Variants in NFAT5 observed in about 807,000 individuals in gnomAD.
NFAT5 encodes nuclear factor of activated T cells 5.
Under a neutral mutation model 166.5 loss-of-function variants are expected in NFAT5, and 31 were observed. That is an observed-to-expected ratio of 0.19 (90% CI 0.14 to 0.25). The LOEUF (loss-of-function observed/expected upper bound fraction) is 0.25. Among genes scored for constraint, NFAT5 ranks in the 10% least tolerant of loss-of-function variants. The pLI is 1.00. For missense variants in NFAT5, 1,449 were observed against 1,821.8 expected, an observed-to-expected ratio of 0.80 and a Z score of 3.72; for synonymous variants, 612 against 639.7, an observed-to-expected ratio of 0.96 and a Z score of 0.65.
intron 11 of NFAT5, among the ~76,000 whole-genome samples, chr16:69,688,227 C>CAAA (rs1309361684): frequency 0.016 from 1,852 of 114,108 alleles, 59 homozygotes; most frequent in African/African-American, 0.06. Flanking sequence ...AAAAAAAAAA[C>CAAA]CAGGAGTTTG....
chr16:69,640,953 C>T (rs562115401), intron 3 of NFAT5, among the ~76,000 whole-genome samples: 4 of 148,628 alleles, frequency 2.7e-5, no homozygotes, highest in African/African-American at 5.0e-5. Flanking sequence ...TGTACTCCAG[C>T]GGGGGCAACA....
intron 2 of NFAT5, among the ~76,000 whole-genome samples, chr16:69,589,314 C>T (rs1202684819): frequency 6.6e-6 from 1 of 152,074 alleles, no homozygotes; most frequent in African/African-American, 2.4e-5. Flanking sequence ...TTTTTAGTAG[C>T]CCGTTGTTTG....
intron 2 of NFAT5, among the ~76,000 whole-genome samples, chr16:69,606,715 G>C (rs183738939): frequency 6.6e-6 from 1 of 152,246 alleles, no homozygotes; most frequent in East Asian, 1.9e-4. Context: ...AATTAGCTGG[G>C]CGTGGTGGTA....
chr16:69,587,935 T>C (rs1255369115), intron 2 of NFAT5, among the ~76,000 whole-genome samples: 1 of 149,400 alleles, frequency 6.7e-6, no homozygotes, highest in Non-Finnish European at 1.5e-5. Context: ...TGGTAATTTA[T>C]AGTGCTTTCT....
chr16:69,693,249 G>A lies in NFAT5; in HGVS notation c.3424G>A (p.Ala1142Thr), dbSNP rs372688181. The A allele has an allele frequency of 8.1e-5, 130 of 1,614,026 alleles. No individual in the cohort carries two copies. The highest frequency in any genetic ancestry group is 1.1e-4 in the Non-Finnish European group (124 of 1,180,026). The change falls in exon 13 of 15, where the codon GCT becomes ACT. Residue 1142 changes from alanine (A) to threonine (T), a missense_variant. By Grantham distance (58) the Ala-to-Thr change is moderately conservative (BLOSUM62 0). This residue lies in a region of NFAT5 where 891 missense variants were observed against 993.0 expected (regional missense o/e 0.90). Coordinates refer to ENST00000349945, the MANE Select transcript of NFAT5 (RefSeq NM_138713.4). Reference protein sequence around the residue: ...PPMFHSQSTIAVLQGSSVPQD... With the variant: ...PPMFHSQSTITVLQGSSVPQD... ...AATGTTTCACTCTCAAAGTACCATT[G>A]CTGTGTTACAGGGCTCTTCAGTTCC...
chr16:69,692,828 G>A lies in NFAT5; in HGVS notation c.3003G>A (p.Gln1001=). The A allele has an allele frequency of 6.2e-7, 1 of 1,614,184 alleles. No homozygotes were observed. Among genetic ancestry groups the A allele is most frequent in the Non-Finnish European group, 8.5e-7 (1 of 1,180,034 alleles). ...CAACCCCTGGCACTACCATGTTTCA[G>A]ACATCAAGTTCAGGAGATGGAGAAG... The part of the protein sequence containing the change: ...QVATPGTTMF[Q]TSSSGDGEET... Residue 1001 remains glutamine, a synonymous_variant, in exon 13 of 15, where the codon CAG becomes CAA. Coordinates refer to ENST00000349945, the MANE Select transcript of NFAT5 (RefSeq NM_138713.4).
intron 6 of NFAT5, among the ~76,000 whole-genome samples, chr16:69,657,024 A>G (rs1021674734): frequency 3.9e-5 from 6 of 152,156 alleles, no homozygotes; most frequent in Non-Finnish European, 5.9e-5. Context: ...TTATTTGTAT[A>G]TTGGATAGTT....
At position 69,692,488 on chromosome 16, in the gene NFAT5, C is replaced by A; in HGVS notation, c.2663C>A (p.Pro888Gln). The change falls in exon 13 of 15, where the codon CCA becomes CAA. Residue 888 changes from proline (P) to glutamine (Q), a missense_variant. Physicochemically the swap from Pro to Gln is moderately conservative, Grantham distance 76 (BLOSUM62 -1). Transcript: ENST00000349945. ...CCTGGAAGAGCTGAAAGTGTTCATC[C>A]ACAGTCTGAAAACACGTTATCTAAT... ...LLPGRAESVH[P>Q]QSENTLSNQQ... 6.2e-7 allele frequency: 1 copy of A among 1,614,168 alleles called. No homozygotes were observed. The highest frequency in any genetic ancestry group is 1.3e-5 in the African/African-American group (1 of 75,038).
chr16:69,571,514 A>G (rs1225933394), intron 2 of NFAT5, among the ~76,000 whole-genome samples: 4 of 152,092 alleles, frequency 2.6e-5, no homozygotes, highest in South Asian at 4.1e-4. Flanking sequence ...GTGCTGTACT[A>G]ACTCCCAATG....
Position 69,649,993 on chromosome 16 carries a change from A to G in NFAT5, c.812+2407A>G, listed in dbSNP as rs531241818. On this transcript the variant is annotated intron_variant, in intron 4 of 14. Transcript: ENST00000349945. ...AAAAAAAAAAGCTTAGTATTTGAAT[A>G]TTCCTAGCCATATCATTCTTAAATT... Among the ~76,000 whole-genome samples the G allele has an allele frequency of 4.6e-5, 7 of 152,074 alleles. No homozygotes were observed. The South Asian group carries it at 6.2e-4, about 14-fold the overall frequency.
intron 3 of NFAT5, among the ~76,000 whole-genome samples, chr16:69,645,821 C>G (rs1157842273): frequency 6.6e-6 from 1 of 152,090 alleles, no homozygotes; most frequent in East Asian, 1.9e-4. Flanking sequence ...AAAATGATAT[C>G]TAAAATGTTA....
Position 69,693,814 on chromosome 16 carries a change from A to G in NFAT5, c.3989A>G (p.Gln1330Arg), listed in dbSNP as rs778687177. 3.0e-5 allele frequency: 49 copies of G among 1,614,114 alleles called. 1 individual carries two copies. The South Asian group carries it at 4.3e-4, about 14-fold the overall frequency. The change falls in exon 13 of 15, where the codon CAA becomes CGA. Residue 1330 changes from glutamine (Q) to arginine (R), a missense_variant. Transcript: ENST00000349945. ...CAGAACCAGTCAATTTTTCACCAAC[A>G]AAGTAACATGGCCCCAATGAATCAA... ...EQQNQSIFHQ[Q>R]SNMAPMNQEQ...
chr16:69,584,373 G>T (rs1358509683), intron 2 of NFAT5, among the ~76,000 whole-genome samples: 1 of 149,104 alleles, frequency 6.7e-6, no homozygotes, highest in Admixed American at 6.7e-5. Context: ...GCAATGCAGT[G>T]AGTAGGGTGC....
At position 69,626,510 on chromosome 16, in the gene NFAT5, C is replaced by A; in HGVS notation, c.235C>A (p.Pro79Thr). 6.4e-7 allele frequency: 1 copy of A among 1,562,854 alleles called. No homozygotes were observed. Among genetic ancestry groups the A allele is most frequent in the Non-Finnish European group, 8.6e-7 (1 of 1,158,284 alleles). ...CGGTGGTGAGGCAGGCTCGCCTCCT[C>A]CAGCTGTTGTTGCTGCTGGTATGCA... ...TSGGEAGSPP[P>T]AVVAADASSA... The change falls in exon 3 of 15, where the codon CCA becomes ACA. Residue 79 changes from proline (P) to threonine (T), a missense_variant. Physicochemically the swap from Pro to Thr is conservative, Grantham distance 38. Coordinates refer to ENST00000349945, the MANE Select transcript of NFAT5 (RefSeq NM_138713.4).
Position 69,693,378 on chromosome 16 carries a change from A to T in NFAT5, c.3553A>T (p.Ile1185Phe). ...AGCATTTTTTGCAGCACCGAACTCA[A>T]TTTCTCCACTTCAGTCAACATCAAA... ...QEAFFAAPNS[I>F]SPLQSTSNSE... The change falls in exon 13 of 15, where the codon ATT (isoleucine) becomes TTT (phenylalanine). Residue 1185 changes from isoleucine to phenylalanine, a missense_variant. This residue lies in a region of NFAT5 where 891 missense variants were observed against 993.0 expected (regional missense o/e 0.90). Transcript: ENST00000349945. The T allele has an allele frequency of 1.9e-6, 3 of 1,614,160 alleles. No homozygotes were observed. The highest frequency in any genetic ancestry group is 2.5e-6 in the Non-Finnish European group (3 of 1,180,028).
chr16:69,586,353 CTT>C lies in NFAT5; in HGVS notation c.127+17807_127+17808del, dbSNP rs2032063156. Among the ~76,000 whole-genome samples the C allele has an allele frequency of 2.0e-5, 3 of 152,086 alleles. No homozygotes were observed. The South Asian group carries it at 6.2e-4, about 32-fold the overall frequency. The stretch of plus-strand genomic sequence containing the variant: ...ATAAGCCAGACTAGACTACAGATGA[CTT>C]TGTGAAAAATTCATGAGGCGTAGAC... On this transcript the variant is annotated intron_variant, in intron 2 of 14. Transcript: ENST00000349945.
At chr16:69,679,344 G>A (rs2151690560) in intron 10 of NFAT5, among the ~76,000 whole-genome samples, 2 of 152,150 alleles carry the variant, frequency 1.3e-5, no homozygotes, top group Admixed American at 1.3e-4. Flanking sequence ...GGCCTGGCAT[G>A]GTGGCTCACA....
At chr16:69,673,070 A>G (rs112269575) in intron 9 of NFAT5, among the ~76,000 whole-genome samples, 5 of 152,018 alleles carry the variant, frequency 3.3e-5, no homozygotes, top group African/African-American at 1.2e-4. Flanking sequence ...ATATTTTTAA[A>G]ACACTTTTTT....
intron 3 of NFAT5, among the ~76,000 whole-genome samples, chr16:69,642,955 C>T (rs770469204): frequency 2.0e-5 from 3 of 152,002 alleles, no homozygotes; most frequent in Admixed American, 6.6e-5. Context: ...CCATGGCTCA[C>T]GCCTGTAATC....
Sources: gnomAD v4.1 joint callset for allele counts (sites outside exome capture counted in the v4.1 genomes callset) on GRCh38, gnomAD v4.1.1 for gene constraint, gnomAD v4.1.1 regional missense constraint, MANE v1.5 for transcripts, NCBI Gene and HGNC (gene_info 2026-07-23, HGNC 2026-07-21) for gene names.